MAST4: variants seen among roughly 807,000 people sequenced by gnomAD.
MAST4 encodes microtubule associated serine/threonine kinase family member 4.
In MAST4, 89 loss-of-function variants were observed where a neutral mutation model predicts 162.7. The observed-to-expected ratio is 0.55, with a 90% confidence interval of 0.46 to 0.65. The LOEUF is 0.65. Ranked by LOEUF, MAST4 falls within the 30% of genes least tolerant of loss-of-function variation. The pLI is 0.00. For missense variants in MAST4, 3,153 were observed against 3,374.0 expected, an observed-to-expected ratio of 0.93 and a Z score of 1.62; for synonymous variants, 1,479 against 1,361.1, an observed-to-expected ratio of 1.09 and a Z score of -1.91.
Position 67,118,765 on chromosome 5 carries a change from G to T in MAST4, c.1659+16G>T. 7.0e-7 allele frequency: 1 copy of T among 1,426,462 alleles called. No individual in the cohort carries two copies. The highest frequency in any genetic ancestry group is 2.0e-5 in the Admixed American group (1 of 49,240). The allele number at this position is 1,426,462 out of a possible 1,614,324, so 88.4% of individuals were successfully genotyped here. A position where few individuals can be genotyped will look rare whatever the true frequency, so the allele number is the denominator to read the frequency against. On this transcript the variant is annotated intron_variant, in intron 13 of 28. Coordinates refer to ENST00000403625, the MANE Select transcript of MAST4 (RefSeq NM_001164664.2). ...ATCAGTGAGTGTAAGTATATTTCTT[G>T]ATGAAATATGATGTTGGTTTTTCTG...
rs1338049604 is a variant in MAST4, at chr5:67,165,964, A to T, written c.6785A>T (p.Asp2262Val). The T allele has an allele frequency of 6.2e-7, 1 of 1,613,434 alleles. No individual in the cohort carries two copies. Among genetic ancestry groups the T allele is most frequent in the Admixed American group, 1.7e-5 (1 of 60,016 alleles). ...ATPGSQNKAS[D>V]GIGQGEGGPS... ...CCAGGCTCCCAGAACAAAGCCAGCG[A>T]TGGGATTGGCCAGGGAGAAGGTGGG... is the stretch of plus-strand genomic sequence containing the variant. The change falls in exon 29 of 29, where the codon GAT becomes GTT. Residue 2262 changes from aspartate to valine, a missense_variant. Physicochemically the swap from Asp to Val is radical, Grantham distance 152. Transcript: ENST00000403625.
chr5:67,100,123 A>T (rs773894558), intron 7 of MAST4, among the ~76,000 whole-genome samples: 2 of 152,192 alleles, frequency 1.3e-5, no homozygotes, highest in Non-Finnish European at 2.9e-5. Flanking sequence ...GTGCTCCCTA[A>T]TGTCACTCCA....
intron 14 of MAST4, among the ~76,000 whole-genome samples, chr5:67,122,096 C>A (rs994421577): frequency 6.6e-6 from 1 of 152,132 alleles, no homozygotes; most frequent in Non-Finnish European, 1.5e-5. Flanking sequence ...TTCTGAGTTA[C>A]TAATAGTTTA....
At chr5:66,634,619 G>A (rs887300675) in intron 1 of MAST4, among the ~76,000 whole-genome samples, 2 of 152,168 alleles carry the variant, frequency 1.3e-5, no homozygotes, top group African/African-American at 2.4e-5. Context: ...ACTGCTGTAG[G>A]TGCTTTTTGG....
chr5:67,142,344 T>A, intron 20 of MAST4, 77 bp from the exon 21 acceptor site: 1 of 1,524,294 alleles, frequency 6.6e-7, no homozygotes, highest in African/African-American at 1.4e-5. Context: ...ATAATGTTGA[T>A]CCAGAAAATC....
chr5:66,922,334 T>A (rs35717525), intron 4 of MAST4, among the ~76,000 whole-genome samples: 3 of 152,238 alleles, frequency 2.0e-5, no homozygotes, highest in Non-Finnish European at 1.5e-5. Context: ...GTGACCCTTA[T>A]TCTCTGTGCC....
intron 13 of MAST4, among the ~76,000 whole-genome samples, chr5:67,119,946 T>A (rs898027799): frequency 6.6e-6 from 1 of 151,952 alleles, no homozygotes; most frequent in Non-Finnish European, 1.5e-5. Context: ...GCAAAGTAGA[T>A]AAGAAAACAA....
intron 4 of MAST4, among the ~76,000 whole-genome samples, chr5:66,905,040 T>A (rs1763257103): frequency 6.6e-6 from 1 of 152,128 alleles, no homozygotes; most frequent in Non-Finnish European, 1.5e-5. Context: ...GCGCAGTGGC[T>A]CACGCCTGTA....
At chr5:66,668,977 A>G (rs1404070242) in intron 1 of MAST4, among the ~76,000 whole-genome samples, 3 of 152,210 alleles carry the variant, frequency 2.0e-5, no homozygotes, top group African/African-American at 7.2e-5. Flanking sequence ...GCAGAGGGAA[A>G]AAAGCACCCA....
At chr5:66,831,948 T>C (rs1436950121) in intron 3 of MAST4, among the ~76,000 whole-genome samples, 1 of 152,228 alleles carries the variant, frequency 6.6e-6, no homozygotes, top group Non-Finnish European at 1.5e-5. Context: ...ACGTGGATCA[T>C]ATTTTTTAAC....
intron 2 of MAST4, among the ~76,000 whole-genome samples, chr5:66,786,955 T>G (rs1755147538): frequency 6.6e-6 from 1 of 152,058 alleles, no homozygotes; most frequent in South Asian, 2.1e-4. Context: ...AGTATCACAT[T>G]TTTTTTGCAA....
chr5:66,839,044 A>C (rs1432792580), intron 3 of MAST4, among the ~76,000 whole-genome samples: 3 of 152,172 alleles, frequency 2.0e-5, no homozygotes, highest in African/African-American at 7.2e-5. Flanking sequence ...GTGGTAGATG[A>C]TGCTGCTGGA....
At chr5:67,072,287 T>G (rs903049723) in intron 5 of MAST4, among the ~76,000 whole-genome samples, 122 of 152,314 alleles carry the variant, frequency 8.0e-4, no homozygotes, top group African/African-American at 2.9e-3. Flanking sequence ...TAAACACTGT[T>G]AATACATCAT....
chr5:67,061,043 TG>T (rs1401153597), intron 5 of MAST4, among the ~76,000 whole-genome samples: 2 of 152,254 alleles, frequency 1.3e-5, no homozygotes, highest in Non-Finnish European at 2.9e-5. Context: ...GCTAATAGTT[TG>T]TAAGATATAC....
intron 4 of MAST4, among the ~76,000 whole-genome samples, chr5:67,033,982 C>G (rs182692530): frequency 5.3e-5 from 8 of 152,234 alleles, no homozygotes; most frequent in Non-Finnish European, 8.8e-5. Context: ...ATGAAAGAAG[C>G]CCTTCACAGC....
intron 4 of MAST4, chr5:66,963,802 G>T (rs768401794): frequency 1.3e-6 from 1 of 779,668 alleles, no homozygotes; most frequent in Non-Finnish European, 2.4e-6. Flanking sequence ...GCATGCTCCA[G>T]GGCCTGCCCA....
At chr5:67,027,276 A>G (rs1754761869) in intron 4 of MAST4, among the ~76,000 whole-genome samples, 1 of 152,208 alleles carries the variant, frequency 6.6e-6, no homozygotes, top group Non-Finnish European at 1.5e-5. Context: ...AATAAACTGT[A>G]TCTGTCTTGA....
intron 1 of MAST4, among the ~76,000 whole-genome samples, chr5:66,637,820 CCCA>C (rs1405415946): frequency 1.3e-5 from 2 of 152,042 alleles, no homozygotes; most frequent in Admixed American, 6.6e-5. Context: ...ATCTGAACCT[CCCA>C]CCTCAGCTTC....
intron 3 of MAST4, among the ~76,000 whole-genome samples, chr5:66,871,729 A>C (rs1321358323): frequency 6.6e-6 from 1 of 152,222 alleles, no homozygotes; most frequent in East Asian, 1.9e-4. Context: ...CTCCAGGTCA[A>C]CGTGTCAACT....
Sources: allele counts gnomAD v4.1 joint callset (sites outside exome capture counted in the v4.1 genomes callset), GRCh38; gene constraint gnomAD v4.1.1; transcripts MANE v1.5; gene names NCBI Gene and HGNC (gene_info 2026-07-23, HGNC 2026-07-21).